The following GRK5 variants were observed in gnomAD, a reference collection of about 807,000 sequenced individuals.
GRK5 encodes G protein-coupled receptor kinase 5, also known as g protein-coupled receptor kinase GRK5.
In GRK5, 40 loss-of-function variants were observed where a neutral mutation model predicts 78.4. That is an observed-to-expected ratio of 0.51 (90% confidence interval 0.40 to 0.66). The LOEUF is 0.66. Among genes scored for constraint, GRK5 ranks in the 30% least tolerant of loss-of-function variants. The pLI is 0.00. For synonymous variants in GRK5, 289 were observed against 296.8 expected, an observed-to-expected ratio of 0.97 and a Z score of 0.27; for missense variants, 598 against 759.9, an observed-to-expected ratio of 0.79 and a Z score of 2.50.
intron 1 of GRK5, among the ~76,000 whole-genome samples, chr10:119,308,422 T>C (rs934788620): frequency 1.3e-5 from 2 of 152,190 alleles, no homozygotes; most frequent in Non-Finnish European, 2.9e-5. Flanking sequence ...GGTACAGTCA[T>C]CTGTAGGGTC....
At chr10:119,274,690 A>AT (rs1849638931) in intron 1 of GRK5, among the ~76,000 whole-genome samples, 1 of 152,030 alleles carries the variant, frequency 6.6e-6, no homozygotes, top group African/African-American at 2.4e-5. Context: ...GAGTCCATTC[A>AT]TTTTTGCCTG....
At chr10:119,252,051 T>C (rs1849212461) in intron 1 of GRK5, among the ~76,000 whole-genome samples, 1 of 152,350 alleles carries the variant, frequency 6.6e-6, no homozygotes, top group African/African-American at 2.4e-5. Context: ...CTGGCTCAGG[T>C]GACTGAAGTC....
At chr10:119,366,031 C>A (rs905096594) in intron 2 of GRK5, among the ~76,000 whole-genome samples, 4 of 152,220 alleles carry the variant, frequency 2.6e-5, no homozygotes, top group African/African-American at 9.7e-5. Flanking sequence ...AACTAAGCGA[C>A]CTGGTCCCTG....
chr10:119,210,343 C>T (rs1432110170), intron 1 of GRK5, among the ~76,000 whole-genome samples: 2 of 152,230 alleles, frequency 1.3e-5, no homozygotes, highest in African/African-American at 4.8e-5. Context: ...TTCTTTCTCT[C>T]TTATGCCTAG....
At chr10:119,279,112 C>T (rs529228035) in intron 1 of GRK5, among the ~76,000 whole-genome samples, 4 of 152,140 alleles carry the variant, frequency 2.6e-5, no homozygotes, top group Admixed American at 2.0e-4. Context: ...GATCTCCTGA[C>T]CTCGTGATCC....
intron 3 of GRK5, among the ~76,000 whole-genome samples, chr10:119,381,363 G>A (rs1411578243): frequency 1.1e-4 from 17 of 152,220 alleles, no homozygotes; most frequent in Admixed American, 1.1e-3. Flanking sequence ...CAAGCTCCCT[G>A]AGGGCAGGAC....
At chr10:119,409,654 GGC>G (rs1381929795) in intron 4 of GRK5, among the ~76,000 whole-genome samples, 1 of 152,280 alleles carries the variant, frequency 6.6e-6, no homozygotes, top group East Asian at 1.9e-4. Context: ...GGCATCACGT[GGC>G]TGAGGTGAGG....
In GRK5 at chr10:119,378,032, C is replaced by T. The variant is rs1851651898; in HGVS notation, c.149-2783C>T. 6.5e-6 allele frequency: 1 copy of T among 154,406 alleles called. No homozygotes were observed. The highest frequency in any genetic ancestry group is 2.0e-4 in the South Asian group (1 of 4,922). 9.6% of individuals were successfully genotyped at this position (154,406 alleles called of 1,614,324 possible). On this transcript the variant is annotated intron_variant, in intron 2 of 15. Coordinates refer to ENST00000392870, the MANE Select transcript of GRK5 (RefSeq NM_005308.3). The surrounding 1 kb of genome is among the most constrained non-coding windows in gnomAD (Gnocchi z 4.5). ...GTGCTAACAGGTGCAGGCTGCAGAC[C>T]TGTCACAGGCCGCTGAGACCAGGTT...
intron 4 of GRK5, among the ~76,000 whole-genome samples, chr10:119,402,636 T>C (rs1428030569): frequency 6.6e-6 from 1 of 152,204 alleles, no homozygotes; most frequent in African/African-American, 2.4e-5. Flanking sequence ...GCGGATCACC[T>C]GAGGTCAGGG....
At chr10:119,354,713 T>G (rs1851240657) in intron 2 of GRK5, among the ~76,000 whole-genome samples, 1 of 152,334 alleles carries the variant, frequency 6.6e-6, no homozygotes, top group Non-Finnish European at 1.5e-5. Flanking sequence ...TTTTTAAGGC[T>G]GAATAATATT....
Position 119,207,639 on chromosome 10 carries a change from C to A in GRK5, c.-279C>A. On this transcript the variant is annotated 5_prime_UTR_variant, in exon 1 of 16. Coordinates refer to ENST00000392870, the MANE Select transcript of GRK5 (RefSeq NM_005308.3). ...AGGAGAATGGAGTGACAGAGACACG[C>A]GGAGGGTGGGGGGTGGGGGGGAGCG... The A allele has an allele frequency of 3.7e-6, 1 of 270,800 alleles. No individual in the cohort carries two copies. Among genetic ancestry groups the A allele is most frequent in the Non-Finnish European group, 6.3e-6 (1 of 159,776 alleles). 16.8% of individuals were successfully genotyped at this position (270,800 alleles called of 1,614,324 possible).
chr10:119,310,059 A>C (rs1850333805), intron 1 of GRK5, among the ~76,000 whole-genome samples: 1 of 152,090 alleles, frequency 6.6e-6, no homozygotes, highest in Middle Eastern at 3.2e-3. Flanking sequence ...ATGTGTGTAC[A>C]CGGTCATGTC....
At chr10:119,451,218 C>T (rs1853278576) in intron 13 of GRK5, among the ~76,000 whole-genome samples, 1 of 151,466 alleles carries the variant, frequency 6.6e-6, no homozygotes, top group Non-Finnish European at 1.5e-5. Context: ...CTGTGAGTGA[C>T]ATCATCTTTT....
intron 12 of GRK5, among the ~76,000 whole-genome samples, chr10:119,447,116 C>T (rs951930498): frequency 1.3e-5 from 2 of 152,196 alleles, no homozygotes; most frequent in African/African-American, 2.4e-5. Context: ...GCCCTGTGGT[C>T]GTGTGGCTGG....
chr10:119,361,829 C>G (rs1202544855), intron 2 of GRK5, among the ~76,000 whole-genome samples: 1 of 151,984 alleles, frequency 6.6e-6, no homozygotes, highest in Non-Finnish European at 1.5e-5. Context: ...GGCGTAGTGG[C>G]GTGCACCTGT....
At chr10:119,287,553 GA>G (rs1259775544) in intron 1 of GRK5, among the ~76,000 whole-genome samples, 2 of 152,134 alleles carry the variant, frequency 1.3e-5, no homozygotes, top group Middle Eastern at 6.8e-3. Context: ...GGCCCTCAAG[GA>G]AAAAAATGCC....
At chr10:119,222,912 C>G (rs961589146) in intron 1 of GRK5, among the ~76,000 whole-genome samples, 2 of 152,176 alleles carry the variant, frequency 1.3e-5, no homozygotes, top group African/African-American at 4.8e-5. Flanking sequence ...GAAAGAGGCT[C>G]CAAAGCAGGA....
At chr10:119,317,287 G>A (rs2133750046) in intron 1 of GRK5, among the ~76,000 whole-genome samples, 1 of 151,812 alleles carries the variant, frequency 6.6e-6, no homozygotes, top group South Asian at 2.1e-4. Flanking sequence ...CTTTTCTCTG[G>A]GATCTGTAAA....
intron 2 of GRK5, among the ~76,000 whole-genome samples, chr10:119,369,881 C>T (rs776476020): frequency 6.6e-6 from 1 of 152,148 alleles, no homozygotes; most frequent in Non-Finnish European, 1.5e-5. Flanking sequence ...GTGGTCCTGC[C>T]GTTCCCTCAG....
Sources: allele counts gnomAD v4.1 joint callset (sites outside exome capture counted in the v4.1 genomes callset), GRCh38; gene constraint gnomAD v4.1.1; non-coding constraint Gnocchi (gnomAD v3.1); transcripts MANE v1.5; gene names NCBI Gene and HGNC (gene_info 2026-07-23, HGNC 2026-07-21).